Variants in RRS1 observed in about 807,000 individuals in gnomAD.
The protein encoded by RRS1 is ribosome biogenesis regulatory protein homolog.
RRS1 carries 10 observed loss-of-function variants against 23.1 expected under a neutral mutation model. The observed-to-expected ratio is 0.43, with a 90% CI of 0.27 to 0.74. The LOEUF (loss-of-function observed/expected upper bound fraction) is 0.74. RRS1 is among the 30% of genes least tolerant of loss of function. RRS1 has a pLI of 0.19. For synonymous variants in RRS1, 198 were observed against 207.7 expected (o/e 0.95, Z 0.40); for missense variants, 485 against 484.3 (o/e 1.00, Z -0.01).
In RRS1 at chr8:66,429,541, G is replaced by A. The variant is rs1267301936; in HGVS notation, c.410G>A (p.Ser137Asn). ...ACCAACCTGGTGTGGGACGAGGTGA[G>A]TGGCCAGTGGCGGCGGCGCTGGGGC... ...KKTNLVWDEV[S>N]GQWRRRWGYQ... The change falls in exon 1 of 1, where the codon AGT becomes AAT. Residue 137 changes from serine to asparagine, a missense_variant. By Grantham distance (46) the Ser-to-Asn change is conservative. Transcript: ENST00000320270. This position sits in a 1 kb window ranked among gnomAD's most constrained non-coding sequence, Gnocchi z 5.1. 7 of 1,610,186 alleles carry A rather than the reference G, an allele frequency of 4.3e-6. No homozygotes were observed. Among genetic ancestry groups the A allele is most frequent in the African/African-American group, 1.3e-5 (1 of 74,276 alleles).
rs916507185 is a variant in RRS1, at chr8:66,430,700, G to A, written c.*471G>A. The A allele has an allele frequency of 5.8e-6, 1 of 172,004 alleles. No individual in the cohort carries two copies. The highest frequency in any genetic ancestry group is 2.4e-5 in the African/African-American group (1 of 41,396). The allele number at this position is 172,004 out of a possible 1,614,324, so 10.7% of individuals were successfully genotyped here. ...GGCAAGTGACTGTTTTAAAGATTAAGTAATAAAGATGTCTTATCTAGTGTG... is the reference window on the plus strand; with the variant it reads ...GGCAAGTGACTGTTTTAAAGATTAAATAATAAAGATGTCTTATCTAGTGTG... On this transcript the variant is annotated 3_prime_UTR_variant, in exon 1 of 1. Transcript: ENST00000320270.
rs1805181950 is a variant in RRS1 at position 66,429,716 on chromosome 8, C to CGCGCACAAGATGCAGCTGCCCA, written c.590_611dup (p.Ala205GlnfsTer18). ...TGAACCGGCTGCGTAACCTGGCCCG[C>CGCGCACAAGATGCAGCTGCCCA]GCGCACAAGATGCAGCTGCCCAGCG... On this transcript the variant is annotated frameshift_variant, in exon 1 of 1. Coordinates refer to ENST00000320270, the MANE Select transcript of RRS1 (RefSeq NM_015169.4). LOFTEE classifies it high-confidence loss of function. This position sits in a 1 kb window ranked among gnomAD's most constrained non-coding sequence, Gnocchi z 5.1. 6.2e-7 allele frequency: 1 copy of CGCGCACAAGATGCAGCTGCCCA among 1,612,774 alleles called. No individual in the cohort carries two copies. Among genetic ancestry groups the CGCGCACAAGATGCAGCTGCCCA allele is most frequent in the Non-Finnish European group, 8.5e-7 (1 of 1,179,998 alleles).
chr8:66,429,060 G>T lies in RRS1; in HGVS notation c.-72G>T, dbSNP rs375243098. On this transcript the variant is annotated 5_prime_UTR_variant, in exon 1 of 1. Coordinates refer to ENST00000320270, the MANE Select transcript of RRS1 (RefSeq NM_015169.4). This position sits in a 1 kb window ranked among gnomAD's most constrained non-coding sequence, Gnocchi z 5.1. ...GGCATCTGCACGTGGTTATGCTGCC[G>T]GAGTTTGGGCCGCCACTGTAGGAAA... The T allele has an allele frequency of 1.2e-5, 18 of 1,532,012 alleles. No individual in the cohort carries two copies. In the South Asian group the frequency reaches 2.2e-4, roughly 18 times the overall value. 94.9% of individuals were successfully genotyped at this position (1,532,012 alleles called of 1,614,324 possible). A position where few individuals can be genotyped will look rare whatever the true frequency, so the allele number is the denominator to read the frequency against.
Position 66,430,149 on chromosome 8 carries a change from G to C in RRS1, c.1018G>C (p.Gly340Arg). Reference protein sequence around the residue: ...QGGKRKGGLGGKMNSGPPGLG... With the variant: ...QGGKRKGGLGRKMNSGPPGLG... The stretch of plus-strand genomic sequence containing the variant: ...AGGGAAGAGGAAAGGGGGCTTGGGA[G>C]GCAAGATGAATTCTGGGCCGCCTGG... The change falls in exon 1 of 1, where the codon GGC becomes CGC. Residue 340 changes from glycine (G) to arginine (R), a missense_variant. Coordinates refer to ENST00000320270, the MANE Select transcript of RRS1 (RefSeq NM_015169.4). 1 of 1,614,140 alleles carries C rather than the reference G, an allele frequency of 6.2e-7. No homozygotes were observed. The highest frequency in any genetic ancestry group is 1.7e-4 in the Middle Eastern group (1 of 6,054).
rs1328832169 is a variant in RRS1 at position 66,429,527 on chromosome 8, G to A, written c.396G>A (p.Val132=). 6.2e-7 allele frequency: 1 copy of A among 1,612,256 alleles called. No individual in the cohort carries two copies. Among genetic ancestry groups the A allele is most frequent in the East Asian group, 2.2e-5 (1 of 44,820 alleles). The change falls in exon 1 of 1, where the codon GTG becomes GTA. Residue 132 remains valine, a synonymous_variant. Coordinates refer to ENST00000320270, the MANE Select transcript of RRS1 (RefSeq NM_015169.4). This position sits in a 1 kb window ranked among gnomAD's most constrained non-coding sequence, Gnocchi z 5.1. The stretch of plus-strand genomic sequence containing the variant: ...GTCCCAAGAAGAAGACCAACCTGGT[G>A]TGGGACGAGGTGAGTGGCCAGTGGC... The part of the protein sequence containing the change: ...GIRPKKKTNL[V]WDEVSGQWRR...
In RRS1 at chr8:66,430,155, A is replaced by G. The variant is rs1359800414; in HGVS notation, c.1024A>G (p.Met342Val). ...GKRKGGLGGK[M>V]NSGPPGLGGK... ...GAGGAAAGGGGGCTTGGGAGGCAAG[A>G]TGAATTCTGGGCCGCCTGGCTTGGG... The change falls in exon 1 of 1, where the codon ATG becomes GTG. Residue 342 changes from methionine (M) to valine (V), a missense_variant. Physicochemically the swap from Met to Val is conservative, Grantham distance 21. Transcript: ENST00000320270. 6.2e-7 allele frequency: 1 copy of G among 1,614,154 alleles called. No individual in the cohort carries two copies. Among genetic ancestry groups the G allele is most frequent in the East Asian group, 2.2e-5 (1 of 44,874 alleles).
chr8:66,430,356 T>TCC lies in RRS1; in HGVS notation c.*127_*128insCC. 1 of 1,020,442 alleles carries TCC rather than the reference T, an allele frequency of 9.8e-7. No individual in the cohort carries two copies. Among genetic ancestry groups the TCC allele is most frequent in the Non-Finnish European group, 1.5e-6 (1 of 684,914 alleles). 63.2% of individuals were successfully genotyped at this position (1,020,442 alleles called of 1,614,324 possible). On this transcript the variant is annotated 3_prime_UTR_variant, in exon 1 of 1. Transcript: ENST00000320270. ...CTTCATTGAGTTTAAAGGGACAGGA[T>TCC]TGCCCTTCCGTCAAGAAAGTATGTA...
chr8:66,429,071 C>G lies in RRS1; in HGVS notation c.-61C>G. On this transcript the variant is annotated 5_prime_UTR_variant, in exon 1 of 1. Coordinates refer to ENST00000320270, the MANE Select transcript of RRS1 (RefSeq NM_015169.4). The surrounding 1 kb of genome is among the most constrained non-coding windows in gnomAD (Gnocchi z 5.1). ...GTGGTTATGCTGCCGGAGTTTGGGC[C>G]GCCACTGTAGGAAAAGTAACTTCAG... The G allele has an allele frequency of 4.6e-6, 7 of 1,537,758 alleles. No individual in the cohort carries two copies. Among genetic ancestry groups the G allele is most frequent in the Non-Finnish European group, 6.1e-6 (7 of 1,140,700 alleles).
rs1351611866 is a variant in RRS1, at chr8:66,429,641, G to A, written c.510G>A (p.Gln170=). The A allele has an allele frequency of 1.9e-6, 3 of 1,613,200 alleles. No homozygotes were observed. The Admixed American group carries it at 5.0e-5, about 27-fold the overall frequency. Residue 170 remains glutamine (Q), a synonymous_variant, in exon 1 of 1, where the codon CAG becomes CAA. Coordinates refer to ENST00000320270, the MANE Select transcript of RRS1 (RefSeq NM_015169.4). This position sits in a 1 kb window ranked among gnomAD's most constrained non-coding sequence, Gnocchi z 5.1. The part of the protein sequence containing the change: ...VPGNADPLED[Q]FAKRIQAKKE... ...GCAATGCCGACCCCTTGGAGGACCA[G>A]TTCGCCAAGCGGATTCAGGCCAAGA...
rs1433975284 is a variant in RRS1, at chr8:66,430,455, A to C, written c.*226A>C. ...AGATTAAGAACTTATTTGAGGATTT[A>C]AGAATTAGGGAAATAATTTGGTGGA... is the stretch of plus-strand genomic sequence containing the variant. On this transcript the variant is annotated 3_prime_UTR_variant, in exon 1 of 1. Coordinates refer to ENST00000320270, the MANE Select transcript of RRS1 (RefSeq NM_015169.4). 1.9e-6 allele frequency: 1 copy of C among 518,468 alleles called. No individual in the cohort carries two copies. Among genetic ancestry groups the C allele is most frequent in the African/African-American group, 2.0e-5 (1 of 49,918 alleles). 32.1% of individuals were successfully genotyped at this position (518,468 alleles called of 1,614,324 possible).
rs766759019 is a variant in RRS1, at chr8:66,429,834, T to C, written c.703T>C (p.Phe235Leu). ...GGTCTCCACCGCCTCTGTGGGGCGC[T>C]TTCAGGAGCGCCTCCCCAAGGAGAA... ...AKVSTASVGR[F>L]QERLPKEKVP... Residue 235 changes from phenylalanine (F) to leucine (L), a missense_variant, in exon 1 of 1, where the codon TTT becomes CTT. Physicochemically the swap from Phe to Leu is conservative, Grantham distance 22 (BLOSUM62 0). Coordinates refer to ENST00000320270, the MANE Select transcript of RRS1 (RefSeq NM_015169.4). This position sits in a 1 kb window ranked among gnomAD's most constrained non-coding sequence, Gnocchi z 5.1. 6.2e-7 allele frequency: 1 copy of C among 1,613,316 alleles called. No homozygotes were observed. The highest frequency in any genetic ancestry group is 1.1e-5 in the South Asian group (1 of 91,066).
chr8:66,429,707 C>T lies in RRS1; in HGVS notation c.576C>T (p.Asn192=), dbSNP rs1330716397. 3 of 1,612,948 alleles carry T rather than the reference C, an allele frequency of 1.9e-6. No homozygotes were observed. The highest frequency in any genetic ancestry group is 2.2e-5 in the South Asian group (2 of 91,068). The change falls in exon 1 of 1, where the codon AAC becomes AAT. Residue 192 remains asparagine (N), a synonymous_variant. Coordinates refer to ENST00000320270, the MANE Select transcript of RRS1 (RefSeq NM_015169.4). This position sits in a 1 kb window ranked among gnomAD's most constrained non-coding sequence, Gnocchi z 5.1. The part of the protein sequence containing the change: ...VAKNELNRLR[N]LARAHKMQLP... The stretch of plus-strand genomic sequence containing the variant: ...AGAACGAGCTGAACCGGCTGCGTAA[C>T]CTGGCCCGCGCGCACAAGATGCAGC...
chr8:66,429,955 T>C lies in RRS1; in HGVS notation c.824T>C (p.Met275Thr). 20 of 1,613,952 alleles carry C rather than the reference T, an allele frequency of 1.2e-5. No homozygotes were observed. The highest frequency in any genetic ancestry group is 1.7e-5 in the Non-Finnish European group (20 of 1,180,000). Residue 275 changes from methionine to threonine, a missense_variant, in exon 1 of 1, where the codon ATG (methionine) becomes ACG (threonine). Coordinates refer to ENST00000320270, the MANE Select transcript of RRS1 (RefSeq NM_015169.4). This position sits in a 1 kb window ranked among gnomAD's most constrained non-coding sequence, Gnocchi z 5.1. ...KKNQLELLRV[M>T]NSKKPQLDVT... Reference sequence around the variant, plus strand: ...AACCAGTTGGAGCTGCTTCGTGTCATGAACAGCAAGAAGCCTCAGCTGGAT... The same window carrying C: ...AACCAGTTGGAGCTGCTTCGTGTCACGAACAGCAAGAAGCCTCAGCTGGAT...
Position 66,430,084 on chromosome 8 carries a change from G to A in RRS1, c.953G>A (p.Gly318Glu), listed in dbSNP as rs764485590. 1 of 1,613,060 alleles carries A rather than the reference G, an allele frequency of 6.2e-7. No homozygotes were observed. Among genetic ancestry groups the A allele is most frequent in the East Asian group, 2.2e-5 (1 of 44,866 alleles). Reference protein sequence around the residue: ...QKGKRKGGRQGPGGKRKGGPP... With the variant: ...QKGKRKGGRQEPGGKRKGGPP... ...GGCAAGAGAAAGGGAGGCCGGCAGG[G>A]GCCTGGGGGCAAGAGGAAAGGGGGC... is the stretch of plus-strand genomic sequence containing the variant. Residue 318 changes from glycine to glutamate, a missense_variant, in exon 1 of 1, where the codon GGG becomes GAG. Physicochemically the swap from Gly to Glu is moderately conservative, Grantham distance 98 (BLOSUM62 -2). Transcript: ENST00000320270.
At position 66,430,341 on chromosome 8, in the gene RRS1, T is replaced by C; in HGVS notation, c.*112T>C. Reference sequence around the variant, plus strand: ...GGACCTGGCCGCTGCCTTCATTGAGTTTAAAGGGACAGGATTGCCCTTCCG... The same window carrying C: ...GGACCTGGCCGCTGCCTTCATTGAGCTTAAAGGGACAGGATTGCCCTTCCG... On this transcript the variant is annotated 3_prime_UTR_variant, in exon 1 of 1. Transcript: ENST00000320270. The C allele has an allele frequency of 8.5e-7, 1 of 1,170,306 alleles. No individual in the cohort carries two copies. The highest frequency in any genetic ancestry group is 1.2e-6 in the Non-Finnish European group (1 of 815,700). The allele number at this position is 1,170,306 out of a possible 1,614,324, so 72.5% of individuals were successfully genotyped here.
chr8:66,429,920 C>A lies in RRS1; in HGVS notation c.789C>A (p.Ala263=). Residue 263 remains alanine, a synonymous_variant, in exon 1 of 1, where the codon GCC becomes GCA. Transcript: ENST00000320270. The surrounding 1 kb of genome is among the most constrained non-coding windows in gnomAD (Gnocchi z 5.1). ...AACCCCTTTTCGGGGACTTTGCAGC[C>A]GAGAAAAAGAACCAGTTGGAGCTGC... ...KFQPLFGDFA[A]EKKNQLELLR... 6.2e-7 allele frequency: 1 copy of A among 1,614,054 alleles called. No individual in the cohort carries two copies. Among genetic ancestry groups the A allele is most frequent in the Non-Finnish European group, 8.5e-7 (1 of 1,179,994 alleles).
chr8:66,429,624 G>C lies in RRS1; in HGVS notation c.493G>C (p.Asp165His), dbSNP rs573123921. The change falls in exon 1 of 1, where the codon GAC becomes CAC. Residue 165 changes from aspartate to histidine, a missense_variant. By Grantham distance (81) the Asp-to-His change is moderately conservative (BLOSUM62 -1). Transcript: ENST00000320270. The surrounding 1 kb of genome is among the most constrained non-coding windows in gnomAD (Gnocchi z 5.1). ...GCTGATTGAGGTGCCCGGCAATGCC[G>C]ACCCCTTGGAGGACCAGTTCGCCAA... ...EWLIEVPGNA[D>H]PLEDQFAKRI... is the part of the protein sequence containing the mutation. The C allele has an allele frequency of 1.4e-5, 22 of 1,613,200 alleles. No individual in the cohort carries two copies. In the South Asian group the frequency reaches 1.6e-4, roughly 12 times the overall value.
rs764258025 is a variant in RRS1 at position 66,429,713 on chromosome 8, C to T, written c.582C>T (p.Ala194=). Residue 194 remains alanine (A), a synonymous_variant, in exon 1 of 1, where the codon GCC becomes GCT. Transcript: ENST00000320270. This position sits in a 1 kb window ranked among gnomAD's most constrained non-coding sequence, Gnocchi z 5.1. ...AGCTGAACCGGCTGCGTAACCTGGC[C>T]CGCGCGCACAAGATGCAGCTGCCCA... ...KNELNRLRNL[A]RAHKMQLPSA... The T allele has an allele frequency of 6.8e-6, 11 of 1,612,784 alleles. No individual in the cohort carries two copies. Among genetic ancestry groups the T allele is most frequent in the South Asian group, 3.3e-5 (3 of 91,078 alleles).
rs1805188919 is a variant in RRS1, at chr8:66,429,932, C to T, written c.801C>T (p.Asn267=). Residue 267 remains asparagine (N), a synonymous_variant, in exon 1 of 1, where the codon AAC becomes AAT. Coordinates refer to ENST00000320270, the MANE Select transcript of RRS1 (RefSeq NM_015169.4). This position sits in a 1 kb window ranked among gnomAD's most constrained non-coding sequence, Gnocchi z 5.1. ...GGGACTTTGCAGCCGAGAAAAAGAACCAGTTGGAGCTGCTTCGTGTCATGA... is the reference window on the plus strand; with the variant it reads ...GGGACTTTGCAGCCGAGAAAAAGAATCAGTTGGAGCTGCTTCGTGTCATGA... ...LFGDFAAEKK[N]QLELLRVMNS... The T allele has an allele frequency of 1.2e-6, 2 of 1,614,076 alleles. No homozygotes were observed. Among genetic ancestry groups the T allele is most frequent in the Non-Finnish European group, 1.7e-6 (2 of 1,179,980 alleles).
Sources: allele counts gnomAD v4.1 joint callset, GRCh38; gene constraint gnomAD v4.1.1; non-coding constraint Gnocchi (gnomAD v3.1); transcripts MANE v1.5; gene names NCBI Gene and HGNC (gene_info 2026-07-23, HGNC 2026-07-21).